TMPRSS15: variants seen among roughly 807,000 people sequenced by gnomAD.
TMPRSS15 encodes the protein transmembrane serine protease 15, also known as enteropeptidase.
In TMPRSS15, 128 loss-of-function variants were observed where a neutral mutation model predicts 125.3. The observed-to-expected ratio is 1.02, with a 90% CI of 0.89 to 1.18. The LOEUF (loss-of-function observed/expected upper bound fraction) is 1.18, where lower values mean the gene tolerates loss of function less well. Among genes scored for constraint, TMPRSS15 ranks in the 50% most tolerant of loss-of-function variants. TMPRSS15 has a pLI of 0.00. For missense variants in TMPRSS15, 1,283 were observed against 1,212.7 expected (o/e 1.06, Z -0.86); for synonymous variants, 446 against 423.2 (o/e 1.05, Z -0.66).
intron 16 of TMPRSS15, among the ~76,000 whole-genome samples, chr21:18,323,494 C>T (rs1230965002): frequency 6.6e-6 from 1 of 152,124 alleles, no homozygotes; most frequent in East Asian, 1.9e-4. Flanking sequence ...ACTCAATTAC[C>T]TCCCACCAGG....
At chr21:18,373,721 A>C (rs2075814432) in intron 5 of TMPRSS15, among the ~76,000 whole-genome samples, 2 of 152,188 alleles carry the variant, frequency 1.3e-5, no homozygotes, top group African/African-American at 4.8e-5. Context: ...TGGCTGTCCT[A>C]ATGCTTCTCA....
At chr21:18,353,694 T>C (rs2075595472) in intron 9 of TMPRSS15, 29 bp downstream of exon 9, 1 of 1,600,138 alleles carries the variant, frequency 6.2e-7, no homozygotes, top group Non-Finnish European at 8.5e-7. Flanking sequence ...ATCTAAAAAT[T>C]AAAAAGCCAA....
At chr21:18,296,523 G>A (rs1873172671) in intron 19 of TMPRSS15, among the ~76,000 whole-genome samples, 1 of 152,172 alleles carries the variant, frequency 6.6e-6, no homozygotes, top group South Asian at 2.1e-4. Flanking sequence ...CATTATAATA[G>A]TGACGTCAAT....
At chr21:18,283,466 AATTT>A (rs2074725740) in intron 21 of TMPRSS15, among the ~76,000 whole-genome samples, 1 of 152,006 alleles carries the variant, frequency 6.6e-6, no homozygotes, top group African/African-American at 2.4e-5. Context: ...CATTTTATTA[AATTT>A]ATTTATACAT....
chr21:18,305,764 A>G lies in TMPRSS15; in HGVS notation c.2165+7181T>C, dbSNP rs151312762. 1.0e-2 allele frequency among the ~76,000 whole-genome samples: 1,517 copies of G among 152,304 alleles called. 31 individuals carry two copies. Among genetic ancestry groups the G allele is most frequent in the African/African-American group, 0.032 (1,344 of 41,562 alleles). ...CCCCACCCTGCTAGATATTAAACCT[A>G]TTAAGTATTAATGTTAAAAAGTATC... is the stretch of plus-strand genomic sequence containing the variant. On this transcript the variant is annotated intron_variant, in intron 18 of 24. Coordinates refer to ENST00000284885, the MANE Select transcript of TMPRSS15 (RefSeq NM_002772.3).
chr21:18,372,885 T>G (rs1247335399), intron 5 of TMPRSS15, among the ~76,000 whole-genome samples: 1 of 152,186 alleles, frequency 6.6e-6, no homozygotes, highest in Non-Finnish European at 1.5e-5. Flanking sequence ...TAAACTTAAG[T>G]CTAGAGATGC....
intron 21 of TMPRSS15, among the ~76,000 whole-genome samples, 189 bp from the exon 22 acceptor site, chr21:18,281,410 T>G (rs1366712425): frequency 1.3e-5 from 2 of 152,170 alleles, no homozygotes; most frequent in African/African-American, 4.8e-5. Context: ...AAACCCTAAT[T>G]AGTGCTAATC....
At chr21:18,283,813 ATTC>A (rs1329025968) in intron 21 of TMPRSS15, among the ~76,000 whole-genome samples, 6 of 152,176 alleles carry the variant, frequency 3.9e-5, no homozygotes, top group Non-Finnish European at 8.8e-5. Flanking sequence ...AAACTCCCAA[ATTC>A]TTCTTTGTAA....
Position 18,321,626 on chromosome 21 carries a change from C to T in TMPRSS15, c.1921+4806G>A, listed in dbSNP as rs1286491275. Among the ~76,000 whole-genome samples, 12 of 152,212 alleles carry T rather than the reference C, an allele frequency of 7.9e-5. No individual in the cohort carries two copies. In the East Asian group the frequency reaches 2.1e-3, roughly 27 times the overall value. On this transcript the variant is annotated intron_variant, in intron 16 of 24. Coordinates refer to ENST00000284885, the MANE Select transcript of TMPRSS15 (RefSeq NM_002772.3). ...TTGGCCTCCCAAAGTGCTGGGGTTA[C>T]GGGCGTGAGCCACGTGCCCGGCCGC...
intron 10 of TMPRSS15, among the ~76,000 whole-genome samples, chr21:18,345,612 G>T (rs2075497508): frequency 6.8e-6 from 1 of 147,046 alleles, no homozygotes; most frequent in Non-Finnish European, 1.5e-5. Flanking sequence ...GTGGTGGCGG[G>T]CGCCTGTAGT....
chr21:18,449,798 G>T (rs758430127), intron 1 of TMPRSS15, among the ~76,000 whole-genome samples: 7 of 151,652 alleles, frequency 4.6e-5, no homozygotes, highest in Non-Finnish European at 8.8e-5. Flanking sequence ...TTTCACTAGG[G>T]CCTAATGGGA....
In TMPRSS15 at chr21:18,357,368, C is replaced by A. The variant is rs150784696; in HGVS notation, c.880+2389G>T. On this transcript the variant is annotated intron_variant, in intron 8 of 24. Transcript: ENST00000284885. ...CTGATGCTTTTTAGCAGTTAGAGAACTTTTGCATCACAATTGTAGATTAAA... is the reference window on the plus strand; with the variant it reads ...CTGATGCTTTTTAGCAGTTAGAGAAATTTTGCATCACAATTGTAGATTAAA... Among the ~76,000 whole-genome samples, 195 of 151,866 alleles carry A rather than the reference C, an allele frequency of 1.3e-3. 1 individual carries two copies. The highest frequency in any genetic ancestry group is 4.1e-3 in the African/African-American group (171 of 41,506).
At position 18,337,072 on chromosome 21, in the gene TMPRSS15, C is replaced by T. The variant is rs143568077; in HGVS notation, c.1564+4341G>A. Among the ~76,000 whole-genome samples the T allele has an allele frequency of 2.0e-3, 304 of 152,136 alleles. 1 individual carries two copies. Among genetic ancestry groups the T allele is most frequent in the African/African-American group, 7.0e-3 (290 of 41,498 alleles). On this transcript the variant is annotated intron_variant, in intron 13 of 24. Transcript: ENST00000284885. The stretch of plus-strand genomic sequence containing the variant: ...AATTAACTTTTTTTTCTTTCTTTTC[C>T]CCAGAGAGACAGGGTTTCGCCATGT...
chr21:18,471,849 A>AG (rs1978786889), intron 1 of TMPRSS15, among the ~76,000 whole-genome samples: 1 of 151,780 alleles, frequency 6.6e-6, no homozygotes, highest in Non-Finnish European at 1.5e-5. Flanking sequence ...GGCAAAAAAA[A>AG]GGCAGGAGAA....
At chr21:18,450,718 G>A (rs2076266454) in intron 1 of TMPRSS15, among the ~76,000 whole-genome samples, 1 of 152,162 alleles carries the variant, frequency 6.6e-6, no homozygotes, top group Admixed American at 6.5e-5. Context: ...TTAAATGTCA[G>A]TATTCTTCTG....
At chr21:18,405,680 G>C (rs1435346492), upstream of TMPRSS15, among the ~76,000 whole-genome samples, 1 of 152,112 alleles carries the variant, frequency 6.6e-6, no homozygotes, top group Non-Finnish European at 1.5e-5. Context: ...GCGCCGCATT[G>C]ATTTGTTCTC....
At chr21:18,299,846 C>T (rs540346409) in intron 18 of TMPRSS15, among the ~76,000 whole-genome samples, 17 of 152,316 alleles carry the variant, frequency 1.1e-4, no homozygotes, top group Admixed American at 2.0e-4. Flanking sequence ...CTTAGGCCTG[C>T]TCTAGGGTAG....
intron 10 of TMPRSS15, among the ~76,000 whole-genome samples, chr21:18,352,602 C>T (rs553818075): frequency 1.3e-5 from 2 of 152,060 alleles, no homozygotes; most frequent in Admixed American, 1.3e-4. Context: ...TCACTCAAAT[C>T]TACTTAGTTA....
chr21:18,269,976 A>G lies in TMPRSS15; in HGVS notation c.3053T>C (p.Leu1018Pro), dbSNP rs2074534209. The change falls in exon 25 of 25, where the codon CTA becomes CCA. Residue 1018 changes from leucine (L) to proline (P), a missense_variant. Coordinates refer to ENST00000284885, the MANE Select transcript of TMPRSS15 (RefSeq NM_002772.3). ...TTTAGTTTAAGAAATGCGCTAATGT[A>G]GAAAACTTTGTATCCATTCGGTAAA... is the stretch of plus-strand genomic sequence containing the variant. ...SRFTEWIQSFLH is the reference protein window; with the variant it reads ...SRFTEWIQSFPH The G allele has an allele frequency of 6.2e-7, 1 of 1,613,732 alleles. No individual in the cohort carries two copies. Among genetic ancestry groups the G allele is most frequent in the African/African-American group, 1.3e-5 (1 of 74,894 alleles).
Sources: gnomAD v4.1 joint callset for allele counts (sites outside exome capture counted in the v4.1 genomes callset) on GRCh38, gnomAD v4.1.1 for gene constraint, MANE v1.5 for transcripts, NCBI Gene and HGNC (gene_info 2026-07-23, HGNC 2026-07-21) for gene names.